CHL1: variants seen among roughly 807,000 people sequenced by gnomAD.
CHL1 encodes the protein neural cell adhesion molecule L1-like protein.
A neutral mutation model predicts 141.9 loss-of-function variants in CHL1; 96 were observed. That is an observed-to-expected ratio of 0.68 (90% CI 0.57 to 0.80). The LOEUF (loss-of-function observed/expected upper bound fraction) is 0.80. CHL1 is among the 30% of genes least tolerant of loss of function. The probability of loss-of-function intolerance (pLI) is 0.00; values close to 1 mark genes in which losing one functional copy is unlikely to be tolerated. For missense variants in CHL1, 1,820 were observed against 1,457.2 expected (o/e 1.25, Z -4.05); for synonymous variants, 613 against 502.2 (o/e 1.22, Z -2.95).
chr3:238,436 AG>A (rs1692208922), intron 1 of CHL1, among the ~76,000 whole-genome samples: 2 of 151,986 alleles, frequency 1.3e-5, no homozygotes, highest in Non-Finnish European at 2.9e-5. Context: ...TAAAAAAAAT[AG>A]CCAGTTTTGA....
intron 2 of CHL1, among the ~76,000 whole-genome samples, chr3:302,320 C>T (rs1698827130): frequency 6.6e-6 from 1 of 152,216 alleles, no homozygotes; most frequent in Non-Finnish European, 1.5e-5. Flanking sequence ...GGAATTGCCA[C>T]ACTGTCTTCC....
chr3:372,618 C>T (rs1256793783), intron 15 of CHL1, among the ~76,000 whole-genome samples: 1 of 152,176 alleles, frequency 6.6e-6, no homozygotes, highest in Non-Finnish European at 1.5e-5. Flanking sequence ...GTCAATTCAT[C>T]TGCCTCATCC....
At chr3:371,333 T>C (rs1217335975) in intron 15 of CHL1, among the ~76,000 whole-genome samples, 2 of 152,210 alleles carry the variant, frequency 1.3e-5, no homozygotes, top group Non-Finnish European at 2.9e-5. Flanking sequence ...CTCTTCTGGT[T>C]GAATTGTTCC....
At chr3:346,638 G>A (rs574382923) in intron 9 of CHL1, among the ~76,000 whole-genome samples, 2 of 152,270 alleles carry the variant, frequency 1.3e-5, no homozygotes, top group African/African-American at 4.8e-5. Context: ...TTGTTGTGAG[G>A]ACATGAAAAT....
rs117944623 is a variant in CHL1, at chr3:203,579, G to C, written c.-175+6516G>C. 1.1e-3 allele frequency among the ~76,000 whole-genome samples: 171 copies of C among 152,356 alleles called. 2 individuals are homozygous for C. In the South Asian group the frequency reaches 0.026, roughly 23 times the overall value. On this transcript the variant is annotated intron_variant, in intron 1 of 27. Coordinates refer to ENST00000256509, the MANE Select transcript of CHL1 (RefSeq NM_006614.4). The stretch of plus-strand genomic sequence containing the variant: ...TTAGGGGAAGCCCACAAGGGCTGCT[G>C]AAGCACATCTGGAGCTGTTACTGCC...
chr3:310,842 T>C (rs753376119), intron 2 of CHL1, among the ~76,000 whole-genome samples: 3 of 152,222 alleles, frequency 2.0e-5, no homozygotes, highest in African/African-American at 4.8e-5. Flanking sequence ...TGTAGTATCA[T>C]ACAAAGTAGT....
At chr3:402,893 A>G (rs899109555) in intron 27 of CHL1, among the ~76,000 whole-genome samples, 4 of 152,230 alleles carry the variant, frequency 2.6e-5, no homozygotes, top group African/African-American at 4.8e-5. Flanking sequence ...GTTGCCTCAT[A>G]ACAATAACCA....
At chr3:207,698 T>C (rs1157270839) in intron 1 of CHL1, among the ~76,000 whole-genome samples, 1 of 152,320 alleles carries the variant, frequency 6.6e-6, no homozygotes, top group East Asian at 1.9e-4. Context: ...TCTGAGTGAA[T>C]GGATAAAGAT....
chr3:208,498 C>T (rs1699629814), intron 1 of CHL1, among the ~76,000 whole-genome samples: 1 of 147,728 alleles, frequency 6.8e-6, no homozygotes, highest in South Asian at 2.1e-4. Context: ...AGACTATATC[C>T]TCAGTGGGAG....
chr3:388,799 G>T (rs1707984167), intron 19 of CHL1, among the ~76,000 whole-genome samples: 1 of 152,152 alleles, frequency 6.6e-6, no homozygotes. Flanking sequence ...AGAACCAGGT[G>T]CAAGAAAGAG....
intron 1 of CHL1, among the ~76,000 whole-genome samples, chr3:242,424 G>A (rs540855466): frequency 5.4e-4 from 74 of 137,024 alleles, no homozygotes; most frequent in South Asian, 2.6e-3. Flanking sequence ...GTGAAACCCC[G>A]TCTCTACTAA....
chr3:380,612 C>G (rs1706912114), intron 16 of CHL1, among the ~76,000 whole-genome samples: 1 of 152,164 alleles, frequency 6.6e-6, no homozygotes, highest in Non-Finnish European at 1.5e-5. Context: ...CAACATTTAA[C>G]AATGCCAAAT....
At chr3:368,953 A>G (rs1484781750) in intron 15 of CHL1, among the ~76,000 whole-genome samples, 3 of 151,756 alleles carry the variant, frequency 2.0e-5, no homozygotes, top group South Asian at 2.1e-4. Flanking sequence ...ATTTGTCTAT[A>G]TGTCTGTTTT....
At chr3:198,171 AGGGG>A in intron 1 of CHL1, 9 of 193,158 alleles carry the variant, frequency 4.7e-5, no homozygotes, top group South Asian at 7.7e-5. Flanking sequence ...CGGGCGGGGA[AGGGG>A]TGGGAGGCCG....
chr3:201,651 T>C (rs1698953719), intron 1 of CHL1, among the ~76,000 whole-genome samples: 1 of 152,204 alleles, frequency 6.6e-6, no homozygotes, highest in African/African-American at 2.4e-5. Flanking sequence ...TGGGTATAAA[T>C]ATCTGAATCA....
Position 398,337 on chromosome 3 carries a change from G to A in CHL1, c.3205G>A (p.Gly1069Ser). ...HIVRLMTKNW[G>S]DNDSIFQDVI... ...AGTTCGCCTAATGACTAAGAATTGG[G>A]GCGATAATGATAGCATTTTTCAAGA... The change falls in exon 25 of 28, where the codon GGC (glycine) becomes AGC (serine). Residue 1069 changes from glycine (G) to serine (S), a missense_variant. Physicochemically the swap from Gly to Ser is moderately conservative, Grantham distance 56. Coordinates refer to ENST00000256509, the MANE Select transcript of CHL1 (RefSeq NM_006614.4). 10 of 1,607,634 alleles carry A rather than the reference G, an allele frequency of 6.2e-6. No homozygotes were observed. The highest frequency in any genetic ancestry group is 8.5e-6 in the Non-Finnish European group (10 of 1,174,212).
At chr3:272,782 C>T (rs557718170) in intron 2 of CHL1, among the ~76,000 whole-genome samples, 1 of 152,334 alleles carries the variant, frequency 6.6e-6, no homozygotes, top group South Asian at 2.1e-4. Flanking sequence ...ATGGATTCAT[C>T]CTTTTATTCA....
chr3:255,034 A>G lies in CHL1; in HGVS notation c.-95+10342A>G, dbSNP rs571935618. On this transcript the variant is annotated intron_variant, in intron 2 of 27. Transcript: ENST00000256509. ...TTGCCTATCTCCATCTCTAGCTACA[A>G]TTGTTCTGAATTTTGGGGCCCGTTT... is the stretch of plus-strand genomic sequence containing the variant. Among the ~76,000 whole-genome samples the G allele has an allele frequency of 4.6e-5, 7 of 152,202 alleles. No individual in the cohort carries two copies. The South Asian group carries it at 1.0e-3, about 23-fold the overall frequency.
intron 5 of CHL1, among the ~76,000 whole-genome samples, chr3:330,740 C>T (rs1434913578): frequency 6.6e-6 from 1 of 152,026 alleles, no homozygotes; most frequent in Non-Finnish European, 1.5e-5. Context: ...TCAAAAATAT[C>T]TTTGAGGAAC....
Sources: gnomAD v4.1 joint callset for allele counts (sites outside exome capture counted in the v4.1 genomes callset) on GRCh38, gnomAD v4.1.1 for gene constraint, MANE v1.5 for transcripts, NCBI Gene and HGNC (gene_info 2026-07-23, HGNC 2026-07-21) for gene names.